MAPK10: variants seen among roughly 807,000 people sequenced by gnomAD.
The protein encoded by MAPK10 is JNK3 alpha protein kinase.
MAPK10 carries 25 observed loss-of-function variants against 59.3 expected under a neutral mutation model. The observed-to-expected ratio is 0.42, with a 90% CI of 0.31 to 0.59. The LOEUF is 0.59. Ranked by LOEUF, MAPK10 falls within the 20% of genes least tolerant of loss-of-function variation. The pLI, the probability that MAPK10 is intolerant of heterozygous loss-of-function variation, is 0.15. For synonymous variants in MAPK10, 190 were observed against 200.5 expected (o/e 0.95, Z 0.44); for missense variants, 351 against 568.9 (o/e 0.62, Z 3.90).
At chr4:86,040,130 C>T (rs1018640527) in intron 11 of MAPK10, among the ~76,000 whole-genome samples, 1 of 151,940 alleles carries the variant, frequency 6.6e-6, no homozygotes, top group Non-Finnish European at 1.5e-5. Flanking sequence ...TGACATAAAC[C>T]ACCAAAAAAA....
intron 4 of MAPK10, among the ~76,000 whole-genome samples, chr4:86,145,403 T>C (rs2064729248): frequency 6.6e-6 from 1 of 151,888 alleles, no homozygotes; most frequent in African/African-American, 2.4e-5. Context: ...CTCTATTTGA[T>C]GATTTTAGAA....
At chr4:86,387,622 A>T (rs946547653) in intron 1 of MAPK10, among the ~76,000 whole-genome samples, 1 of 152,218 alleles carries the variant, frequency 6.6e-6, no homozygotes, top group East Asian at 1.9e-4. Flanking sequence ...TCTGTACATT[A>T]TTCAAAAGAA....
chr4:86,207,186 C>T (rs1253740561), intron 2 of MAPK10, among the ~76,000 whole-genome samples: 1 of 151,246 alleles, frequency 6.6e-6, no homozygotes, highest in Non-Finnish European at 1.5e-5. Context: ...TTAGGTCTAA[C>T]GTTTAAGTCT....
intron 11 of MAPK10, among the ~76,000 whole-genome samples, chr4:86,056,913 T>C (rs918941066): frequency 2.0e-5 from 3 of 148,922 alleles, no homozygotes; most frequent in Non-Finnish European, 4.5e-5. Flanking sequence ...TAACCAAACT[T>C]AGTCAGCTTG....
At chr4:86,509,218 C>T (rs751865223) in intron 1 of MAPK10, among the ~76,000 whole-genome samples, 3 of 151,958 alleles carry the variant, frequency 2.0e-5, no homozygotes, top group Admixed American at 2.0e-4. Context: ...TTCATGGCAG[C>T]CAACAACCTA....
At chr4:86,384,484 G>A (rs1418627705) in intron 1 of MAPK10, among the ~76,000 whole-genome samples, 2 of 152,170 alleles carry the variant, frequency 1.3e-5, no homozygotes, top group African/African-American at 4.8e-5. Flanking sequence ...ATTCTATGTA[G>A]TGGGAAGCTA....
Position 86,296,181 on chromosome 4 carries a change from A to AAG in MAPK10, c.-7+58348_-7+58349insCT, listed in dbSNP as rs2095357549. 6.6e-5 allele frequency among the ~76,000 whole-genome samples: 10 copies of AAG among 151,990 alleles called. No individual in the cohort carries two copies. The South Asian group carries it at 2.1e-3, about 32-fold the overall frequency. On this transcript the variant is annotated intron_variant, in intron 2 of 13. Coordinates refer to ENST00000641462, the MANE Select transcript of MAPK10 (RefSeq NM_138982.4). ...ACAGAGTAAGACTTGGTCTCAAAAA[A>AAG]AAAAAAAAAGAAAAAGAAAGATTTG...
chr4:86,559,937 CA>C (rs368858392), intron 1 of MAPK10, among the ~76,000 whole-genome samples: 175 of 124,324 alleles, frequency 1.4e-3, no homozygotes, highest in Middle Eastern at 4.5e-3. Context: ...GACTTTGTCT[CA>C]AAAAAAAAAA....
intron 2 of MAPK10, among the ~76,000 whole-genome samples, chr4:86,325,021 T>C (rs1458471254): frequency 6.6e-6 from 1 of 152,196 alleles, no homozygotes; most frequent in Non-Finnish European, 1.5e-5. Flanking sequence ...ACAAGGACTT[T>C]TACACAAAGG....
At chr4:86,417,591 G>A (rs999104441) in intron 1 of MAPK10, among the ~76,000 whole-genome samples, 5 of 152,148 alleles carry the variant, frequency 3.3e-5, no homozygotes, top group African/African-American at 1.2e-4. Flanking sequence ...CACAAGACTG[G>A]TTTGAGGAGT....
intron 13 of MAPK10, 70 bp downstream of exon 13, chr4:86,029,127 G>T: frequency 1.1e-6 from 1 of 946,914 alleles, no homozygotes. Context: ...GTTATTTCTT[G>T]CAACCCCTAC....
At chr4:86,411,342 T>C (rs1344680759) in intron 1 of MAPK10, among the ~76,000 whole-genome samples, 1 of 152,216 alleles carries the variant, frequency 6.6e-6, no homozygotes, top group Admixed American at 6.5e-5. Flanking sequence ...AATTACAGAA[T>C]AAGTGCAATG....
At chr4:86,424,346 C>G (rs924603405) in intron 1 of MAPK10, among the ~76,000 whole-genome samples, 2 of 152,122 alleles carry the variant, frequency 1.3e-5, no homozygotes, top group African/African-American at 2.4e-5. Flanking sequence ...CCTGCCACCA[C>G]GCTCAGATAA....
At chr4:86,390,286 A>G (rs1742028747) in intron 1 of MAPK10, among the ~76,000 whole-genome samples, 1 of 152,262 alleles carries the variant, frequency 6.6e-6, no homozygotes, top group Non-Finnish European at 1.5e-5. Context: ...TATTATTTAA[A>G]AAGTCTATTG....
At chr4:86,165,612 GC>G (rs1470070052) in intron 3 of MAPK10, among the ~76,000 whole-genome samples, 2 of 126,940 alleles carry the variant, frequency 1.6e-5, no homozygotes, top group Non-Finnish European at 3.1e-5. Context: ...TGTTGCCCAG[GC>G]TGGTCTTGAA....
intron 2 of MAPK10, among the ~76,000 whole-genome samples, chr4:86,221,695 G>T (rs979359481): frequency 6.6e-6 from 1 of 152,042 alleles, no homozygotes; most frequent in African/African-American, 2.4e-5. Context: ...GTAGAGACAG[G>T]TTTTGCCATG....
chr4:86,589,682 C>CA (rs879534619), intron 1 of MAPK10, among the ~76,000 whole-genome samples: 2,183 of 114,300 alleles, frequency 0.019, 29 homozygotes, highest in Middle Eastern at 0.073. Context: ...AACTCCGTCT[C>CA]AAAAAAAAAA....
intron 5 of MAPK10, among the ~76,000 whole-genome samples, chr4:86,104,591 C>T (rs769383256): frequency 9.2e-5 from 14 of 152,028 alleles, no homozygotes; most frequent in Non-Finnish European, 2.9e-5. Flanking sequence ...ATATTAGAGA[C>T]TGTGTATACA....
At chr4:86,372,571 A>AGGAAAAGAAAAGAAG (rs1554253762) in intron 1 of MAPK10, among the ~76,000 whole-genome samples, 1 of 148,476 alleles carries the variant, frequency 6.7e-6, no homozygotes, top group East Asian at 2.0e-4. Flanking sequence ...AAAGAAAGAA[A>AGGAAAAGAAAAGAAG]AGAAAAGAAA....
Sources: gnomAD v4.1 joint callset for allele counts (sites outside exome capture counted in the v4.1 genomes callset) on GRCh38, gnomAD v4.1.1 for gene constraint, MANE v1.5 for transcripts, NCBI Gene and HGNC (gene_info 2026-07-23, HGNC 2026-07-21) for gene names.